HMCN1: variants seen among roughly 807,000 people sequenced by gnomAD.
The protein encoded by HMCN1 is hemicentin-1.
HMCN1 carries 321 observed loss-of-function variants against 625.9 expected under a neutral mutation model. That is an observed-to-expected ratio of 0.51 (90% CI 0.47 to 0.56). HMCN1 has a LOEUF of 0.56. Ranked by LOEUF, HMCN1 falls within the 20% of genes least tolerant of loss-of-function variation. The pLI is 0.00. For synonymous variants in HMCN1, 2,425 were observed against 2,417.6 expected, an observed-to-expected ratio of 1.00 and a Z score of -0.09; for missense variants, 6,588 against 6,887.3, an observed-to-expected ratio of 0.96 and a Z score of 1.54.
chr1:185,820,449 G>A (rs1238699960), intron 1 of HMCN1, among the ~76,000 whole-genome samples: 2 of 152,080 alleles, frequency 1.3e-5, no homozygotes, highest in East Asian at 3.9e-4. Flanking sequence ...AGACAGCCCC[G>A]AATAATGTTT....
chr1:185,780,551 G>T (rs1250488011), intron 1 of HMCN1, among the ~76,000 whole-genome samples: 5 of 152,138 alleles, frequency 3.3e-5, no homozygotes, highest in Non-Finnish European at 7.4e-5. Flanking sequence ...AGAGTTTTTA[G>T]CATGAAGGGC....
rs114978369 is a variant in HMCN1, at chr1:186,170,737, T to G, written c.15575-600T>G. ...CCTCCAGGACTGGAGGAAAGGAAAGTAAAGGAAAGAAGGTACACAAACCAC... is the reference window on the plus strand; with the variant it reads ...CCTCCAGGACTGGAGGAAAGGAAAGGAAAGGAAAGAAGGTACACAAACCAC... On this transcript the variant is annotated intron_variant, in intron 100 of 106. Transcript: ENST00000271588. Among the ~76,000 whole-genome samples the G allele has an allele frequency of 9.9e-5, 15 of 151,766 alleles. No homozygotes were observed. The South Asian group carries it at 1.0e-3, about 11-fold the overall frequency.
intron 2 of HMCN1, 37 bp from the exon 3 acceptor site, chr1:185,864,433 A>C (rs7556537): frequency 0.47 from 759,648 of 1,600,788 alleles, 189,282 homozygotes; most frequent in African/African-American, 0.9. Flanking sequence ...ATTGTTTTTG[A>C]TGATGACGTA....
intron 1 of HMCN1, among the ~76,000 whole-genome samples, chr1:185,834,135 A>G (rs1282848438): frequency 6.6e-6 from 1 of 152,226 alleles, no homozygotes; most frequent in Non-Finnish European, 1.5e-5. Flanking sequence ...CACAGTTGCT[A>G]TCATCGGAGT....
chr1:186,059,170 C>G (rs1371776767), intron 46 of HMCN1, among the ~76,000 whole-genome samples: 5 of 151,974 alleles, frequency 3.3e-5, no homozygotes, highest in African/African-American at 1.2e-4. Context: ...GGGAAACTTT[C>G]CTATGTCCTT....
intron 4 of HMCN1, among the ~76,000 whole-genome samples, chr1:185,909,044 A>G (rs72703016): frequency 2.6e-5 from 4 of 152,138 alleles, no homozygotes; most frequent in Non-Finnish European, 5.9e-5. Flanking sequence ...CGAACTGTCA[A>G]TAATATCTCT....
At chr1:185,801,124 G>A (rs1658765443) in intron 1 of HMCN1, among the ~76,000 whole-genome samples, 1 of 152,114 alleles carries the variant, frequency 6.6e-6, no homozygotes, top group Non-Finnish European at 1.5e-5. Context: ...GTTAAATTGA[G>A]TAGAAAAACA....
chr1:186,157,331 T>C (rs1409290738), intron 97 of HMCN1, among the ~76,000 whole-genome samples: 2 of 152,046 alleles, frequency 1.3e-5, no homozygotes, highest in Non-Finnish European at 2.9e-5. Context: ...GTAACATAAT[T>C]CAAAGTAACA....
intron 4 of HMCN1, among the ~76,000 whole-genome samples, chr1:185,890,199 CT>C (rs200340023): frequency 2.0e-5 from 3 of 148,648 alleles, no homozygotes; most frequent in Non-Finnish European, 1.5e-5. Flanking sequence ...AGTCTTCTCT[CT>C]TTTTTTCTTT....
rs1654342815 is a variant in HMCN1, at chr1:186,016,012, T to C, written c.4964T>C (p.Ile1655Thr). 1 of 1,613,484 alleles carries C rather than the reference T, an allele frequency of 6.2e-7. No homozygotes were observed. Among genetic ancestry groups the C allele is most frequent in the Non-Finnish European group, 8.5e-7 (1 of 1,179,516 alleles). The change falls in exon 32 of 107, where the codon ATT (isoleucine) becomes ACT (threonine). Residue 1655 changes from isoleucine (I) to threonine (T), a missense_variant. By Grantham distance (89) the Ile-to-Thr change is moderately conservative (BLOSUM62 -1). This residue lies in a region of HMCN1 where 4,628 missense variants were observed against 4,853.1 expected (regional missense o/e 0.95). Coordinates refer to ENST00000271588, the MANE Select transcript of HMCN1 (RefSeq NM_031935.3). The part of the protein sequence containing the change: ...LATPLNKQVV[I>T]AHSLTLECKA... ...ACGCCTTTGAATAAGCAAGTAGTTATTGCTCATTCTCTGACACTGGAGTGC... is the reference window on the plus strand; with the variant it reads ...ACGCCTTTGAATAAGCAAGTAGTTACTGCTCATTCTCTGACACTGGAGTGC...
At chr1:186,115,713 A>C (rs1661102020) in intron 75 of HMCN1, among the ~76,000 whole-genome samples, 1 of 152,180 alleles carries the variant, frequency 6.6e-6, no homozygotes. Flanking sequence ...CAAAGGATAA[A>C]AACATCATTT....
intron 1 of HMCN1, among the ~76,000 whole-genome samples, chr1:185,742,219 C>A (rs928085753): frequency 6.6e-6 from 1 of 152,008 alleles, no homozygotes. Flanking sequence ...TTGTCAAAGT[C>A]CATGATTTAC....
In HMCN1 at chr1:186,130,674, T is replaced by A; in HGVS notation, c.13207T>A (p.Ser4403Thr). 6.2e-7 allele frequency: 1 copy of A among 1,612,808 alleles called. No individual in the cohort carries two copies. ...SHRIRQLGNG[S>T]LAIYGTVNED... ...CAGAATCCGGCAACTGGGCAATGGC[T>A]CCCTGGCCATCTATGGCACTGTTGT... is the stretch of plus-strand genomic sequence containing the variant. Residue 4403 changes from serine to threonine, a missense_variant, in exon 85 of 107, where the codon TCC (serine) becomes ACC (threonine). By Grantham distance (58) the Ser-to-Thr change is moderately conservative. Coordinates refer to ENST00000271588, the MANE Select transcript of HMCN1 (RefSeq NM_031935.3).
At chr1:185,962,264 A>G (rs1048257268) in intron 11 of HMCN1, among the ~76,000 whole-genome samples, 1 of 152,138 alleles carries the variant, frequency 6.6e-6, no homozygotes, top group Middle Eastern at 3.2e-3. Context: ...CAAGCCAGCA[A>G]GGGGCTTCAT....
chr1:186,109,195 T>A (rs1660762916), intron 71 of HMCN1, among the ~76,000 whole-genome samples: 1 of 152,206 alleles, frequency 6.6e-6, no homozygotes, highest in Non-Finnish European at 1.5e-5. Flanking sequence ...TTATCCTCAT[T>A]ATTTTTTTCT....
At chr1:186,123,960 T>A (rs886865026) in intron 81 of HMCN1, among the ~76,000 whole-genome samples, 1 of 152,104 alleles carries the variant, frequency 6.6e-6, no homozygotes, top group Non-Finnish European at 1.5e-5. Flanking sequence ...CAATTTTGAG[T>A]GGAAACATTT....
In HMCN1 at chr1:186,186,992, T is replaced by TCACACACACACA. The variant is rs200279097; in HGVS notation, c.16415-890_16415-889insACACACACACAC. Among the ~76,000 whole-genome samples the TCACACACACACA allele has an allele frequency of 1.2e-3, 114 of 95,472 alleles. 1 individual carries two copies. The highest frequency in any genetic ancestry group is 6.1e-3 in the Middle Eastern group (1 of 164). The allele number at this position is 95,472 out of a possible 152,430, so 62.6% of individuals were successfully genotyped here. On this transcript the variant is annotated intron_variant, in intron 105 of 106. Transcript: ENST00000271588. ...ATCAATCTCACATTCTCTGTCTCTG[T>TCACACACACACA]CTCACACACACACACACACACACAC...
rs1200259958 is a variant in HMCN1, at chr1:185,923,428, T to C, written c.1060T>C (p.Ser354Pro). The change falls in exon 8 of 107, where the codon TCC (serine) becomes CCC (proline). Residue 354 changes from serine to proline, a missense_variant. Around this residue, in one of 3 missense-constraint regions of HMCN1, gnomAD observed 4,628 missense variants for 4,853.1 expected, o/e 0.95. Coordinates refer to ENST00000271588, the MANE Select transcript of HMCN1 (RefSeq NM_031935.3). ...TGTACTGCTCAATACTTCTGGAATTTCCACTCCAGCTAGAATAGATCTTCT... is the reference window on the plus strand; with the variant it reads ...TGTACTGCTCAATACTTCTGGAATTCCCACTCCAGCTAGAATAGATCTTCT... ...TYVLLNTSGISTPARIDLLEL... is the reference protein window; with the variant it reads ...TYVLLNTSGIPTPARIDLLEL... 6.2e-7 allele frequency: 1 copy of C among 1,610,280 alleles called. No homozygotes were observed. Among genetic ancestry groups the C allele is most frequent in the Non-Finnish European group, 8.5e-7 (1 of 1,176,958 alleles).
intron 2 of HMCN1, among the ~76,000 whole-genome samples, chr1:185,864,138 G>C (rs1287453368): frequency 6.6e-6 from 1 of 152,180 alleles, no homozygotes; most frequent in Non-Finnish European, 1.5e-5. Context: ...AATAAGCAAG[G>C]TCATCAAATA....
Sources: gnomAD v4.1 joint callset for allele counts (sites outside exome capture counted in the v4.1 genomes callset) on GRCh38, gnomAD v4.1.1 for gene constraint, gnomAD v4.1.1 regional missense constraint, MANE v1.5 for transcripts, NCBI Gene and HGNC (gene_info 2026-07-23, HGNC 2026-07-21) for gene names.